Variants in TACC1 observed in about 807,000 individuals in gnomAD.
TACC1 encodes transforming acidic coiled-coil containing protein 1.
A neutral mutation model predicts 84.4 loss-of-function variants in TACC1; 48 were observed. That is an observed-to-expected ratio of 0.57 (90% CI 0.45 to 0.72). The LOEUF is 0.72. Ranked by LOEUF, TACC1 falls within the 30% of genes least tolerant of loss-of-function variation. The pLI is 0.00. For missense variants in TACC1, 920 were observed against 973.0 expected, an observed-to-expected ratio of 0.95 and a Z score of 0.72; for synonymous variants, 372 against 376.3, an observed-to-expected ratio of 0.99 and a Z score of 0.13.
intron 2 of TACC1, among the ~76,000 whole-genome samples, chr8:38,743,708 T>C (rs1334438899): frequency 6.6e-6 from 1 of 152,178 alleles, no homozygotes; most frequent in African/African-American, 2.4e-5. Context: ...ATGATATATA[T>C]GTTTATTTTT....
intron 2 of TACC1, among the ~76,000 whole-genome samples, chr8:38,815,645 CT>C (rs1350270466): frequency 6.6e-6 from 1 of 152,108 alleles, no homozygotes. Flanking sequence ...TTTCGAACCC[CT>C]GACCACAGGT....
At chr8:38,795,620 G>C (rs745990915) in intron 2 of TACC1, among the ~76,000 whole-genome samples, 4 of 152,170 alleles carry the variant, frequency 2.6e-5, no homozygotes, top group Admixed American at 6.5e-5. Context: ...AAATCTTGGA[G>C]GGTATAAACC....
chr8:38,767,208 G>A (rs1229196563), intron 3 of TACC1, among the ~76,000 whole-genome samples: 2 of 152,194 alleles, frequency 1.3e-5, no homozygotes, highest in African/African-American at 4.8e-5. Flanking sequence ...GAAGGCTTGG[G>A]CAAGATACGA....
intron 2 of TACC1, among the ~76,000 whole-genome samples, chr8:38,811,744 A>G (rs1389344207): frequency 2.0e-5 from 3 of 152,240 alleles, no homozygotes; most frequent in Non-Finnish European, 4.4e-5. Context: ...TGTTTAAACA[A>G]TATGAAATCA....
At chr8:38,796,080 G>T (rs1470348632) in intron 2 of TACC1, among the ~76,000 whole-genome samples, 1 of 152,172 alleles carries the variant, frequency 6.6e-6, no homozygotes, top group African/African-American at 2.4e-5. Context: ...CAGATCACCA[G>T]CTATCTGTTT....
chr8:38,789,957 A>G (rs538283522), intron 2 of TACC1, among the ~76,000 whole-genome samples: 3 of 152,358 alleles, frequency 2.0e-5, no homozygotes, highest in East Asian at 1.9e-4. Flanking sequence ...ACTGGAGGGC[A>G]TATGCATTTC....
chr8:38,828,557 C>T (rs920975686), intron 5 of TACC1, among the ~76,000 whole-genome samples: 4 of 152,070 alleles, frequency 2.6e-5, no homozygotes, highest in Admixed American at 2.6e-4. Flanking sequence ...CTTAGCAAGT[C>T]CTGTTTGTTC....
chr8:38,785,575 A>G (rs117165863), upstream of TACC1: 8,453 of 472,252 alleles, frequency 0.018, 93 homozygotes, highest in Middle Eastern at 0.022. Context: ...CAGTCACCAC[A>G]GGGATGCAAA....
At chr8:38,765,822 G>A (rs186241419) in intron 3 of TACC1, among the ~76,000 whole-genome samples, 1 of 152,160 alleles carries the variant, frequency 6.6e-6, no homozygotes, top group Admixed American at 6.5e-5. Context: ...GAATGGAGGG[G>A]GATGTGTGGA....
upstream of TACC1, among the ~76,000 whole-genome samples, chr8:38,783,952 C>T (rs16887760): frequency 0.032 from 4,893 of 152,260 alleles, 232 homozygotes; most frequent in African/African-American, 0.11. Context: ...TATTTGAATG[C>T]GGTCAGATGC....
intron 2 of TACC1, among the ~76,000 whole-genome samples, chr8:38,743,292 TTGAATGAATGAATGAA>T (rs3076913): frequency 2.7e-5 from 4 of 150,926 alleles, no homozygotes; most frequent in Non-Finnish European, 4.4e-5. Flanking sequence ...TATATATTTG[TTGAATGAATGAATGAA>T]TGAATGAATG....
chr8:38,843,550 A>C (rs1190909764), intron 11 of TACC1, 155 bp downstream of exon 11: 1 of 472,846 alleles, frequency 2.1e-6, no homozygotes, highest in African/African-American at 2.0e-5. Flanking sequence ...AAACATTAAA[A>C]AGTAAAAAAA....
At chr8:38,807,903 T>TC (rs1823141257) in intron 2 of TACC1, among the ~76,000 whole-genome samples, 1 of 152,234 alleles carries the variant, frequency 6.6e-6, no homozygotes, top group Non-Finnish European at 1.5e-5. Flanking sequence ...ATAGTCTTTA[T>TC]CCTGAATAAG....
intron 3 of TACC1, among the ~76,000 whole-genome samples, chr8:38,772,025 AAGAGAGAGAGAG>A (rs35335324): frequency 2.0e-5 from 3 of 148,502 alleles, no homozygotes; most frequent in Non-Finnish European, 4.5e-5. Flanking sequence ...AAGAAAGAAA[AAGAGAGAGAGAG>A]AGAGAGAGAG....
chr8:38,849,629 T>G lies in TACC1; in HGVS notation c.*1606T>G, dbSNP rs997473558. ...TTTAGCAGTGTATTACTCACATGGG[T>G]GCAATCTTTAGCCCCAGGGAGGTCA... On this transcript the variant is annotated 3_prime_UTR_variant, in exon 13 of 13. Coordinates refer to ENST00000317827, the MANE Select transcript of TACC1 (RefSeq NM_006283.3). 3 of 152,382 alleles carry G rather than the reference T, an allele frequency of 2.0e-5. No homozygotes were observed. The South Asian group carries it at 6.2e-4, about 31-fold the overall frequency. The allele number at this position is 152,382 out of a possible 1,614,324, so 9.4% of individuals were successfully genotyped here.
chr8:38,781,612 C>A (rs188304750), intron 3 of TACC1, among the ~76,000 whole-genome samples: 1 of 152,120 alleles, frequency 6.6e-6, no homozygotes, highest in Non-Finnish European at 1.5e-5. Context: ...AACTCCTGAC[C>A]TCAGGTGATC....
chr8:38,757,193 G>A (rs1810223109), intron 3 of TACC1: 3 of 891,474 alleles, frequency 3.4e-6, no homozygotes, highest in Admixed American at 5.5e-5. Context: ...CAGCGGCGGG[G>A]ACCCTACGGC....
intron 11 of TACC1, among the ~76,000 whole-genome samples, chr8:38,845,244 T>A (rs1159737645): frequency 6.6e-6 from 1 of 152,190 alleles, no homozygotes; most frequent in East Asian, 1.9e-4. Context: ...ACTTTTTAAC[T>A]AAAAGGTAAT....
intron 3 of TACC1, among the ~76,000 whole-genome samples, chr8:38,753,611 C>T (rs1333756674): frequency 2.0e-5 from 3 of 152,184 alleles, no homozygotes; most frequent in Admixed American, 1.3e-4. Flanking sequence ...GATCTCTGGT[C>T]TGTCTTGGAC....
Sources: gnomAD v4.1 joint callset for allele counts (sites outside exome capture counted in the v4.1 genomes callset) on GRCh38, gnomAD v4.1.1 for gene constraint, MANE v1.5 for transcripts, NCBI Gene and HGNC (gene_info 2026-07-23, HGNC 2026-07-21) for gene names.